Variants in RAPGEF5 observed in about 807,000 individuals in gnomAD.
RAPGEF5 encodes Rap guanine nucleotide exchange factor 5, also known as M-Ras-regulated GEF.
RAPGEF5 carries 65 observed loss-of-function variants against 125.2 expected under a neutral mutation model. That is an observed-to-expected ratio of 0.52 (90% CI 0.43 to 0.64). The LOEUF (loss-of-function observed/expected upper bound fraction) is 0.64, where lower values mean the gene tolerates loss of function less well. Ranked by LOEUF, RAPGEF5 falls within the 30% of genes least tolerant of loss-of-function variation. The probability of loss-of-function intolerance (pLI) is 0.00; values close to 1 mark genes in which losing one functional copy is unlikely to be tolerated. For synonymous variants in RAPGEF5, 391 were observed against 385.9 expected (o/e 1.01, Z -0.16); for missense variants, 958 against 1,048.1 (o/e 0.91, Z 1.19).
intron 5 of RAPGEF5, among the ~76,000 whole-genome samples, chr7:22,294,842 C>T (rs976671671): frequency 1.3e-5 from 2 of 152,224 alleles, no homozygotes; most frequent in Non-Finnish European, 2.9e-5. Context: ...TGTCCCTCTA[C>T]TCAAAATCCT....
intron 9 of RAPGEF5, chr7:22,202,882 G>A: frequency 2.9e-6 from 1 of 340,290 alleles, no homozygotes; most frequent in Middle Eastern, 3.8e-4. Context: ...TATAGACCCA[G>A]TTGAATACTG....
chr7:22,347,029 T>C (rs888913311), intron 1 of RAPGEF5, among the ~76,000 whole-genome samples: 2 of 152,128 alleles, frequency 1.3e-5, no homozygotes, highest in South Asian at 2.1e-4. Context: ...GAAATTTATA[T>C]GGAAAGTTTA....
chr7:22,330,209 T>C (rs578079132), intron 1 of RAPGEF5, among the ~76,000 whole-genome samples: 4 of 152,330 alleles, frequency 2.6e-5, no homozygotes, highest in East Asian at 1.9e-4. Flanking sequence ...ACTGCAGTTA[T>C]GGATGGGGGA....
chr7:22,160,391 TAA>T, intron 14 of RAPGEF5, 125 bp downstream of exon 14: 4 of 824,034 alleles, frequency 4.9e-6, no homozygotes, highest in East Asian at 2.9e-5. Flanking sequence ...CTAGAAAAGC[TAA>T]GGCATCAAGA....
chr7:22,156,930 T>G (rs766616616), intron 15 of RAPGEF5, 42 bp from the exon 16 acceptor site: 1 of 1,610,922 alleles, frequency 6.2e-7, no homozygotes, highest in Non-Finnish European at 8.5e-7. Flanking sequence ...AATACATTCC[T>G]GCCCTTTGGA....
chr7:22,351,092 G>A (rs527330336), intron 1 of RAPGEF5, among the ~76,000 whole-genome samples: 2 of 152,300 alleles, frequency 1.3e-5, no homozygotes, highest in South Asian at 2.1e-4. Context: ...AAGTGAGCAT[G>A]GCTGATTTTG....
rs532965667 is a variant in RAPGEF5 at position 22,222,120 on chromosome 7, C to T, written c.871-2129G>A. 2.0e-5 allele frequency among the ~76,000 whole-genome samples: 3 copies of T among 152,110 alleles called. No individual in the cohort carries two copies. In the South Asian group the frequency reaches 6.2e-4, roughly 32 times the overall value. Reference sequence around the variant, plus strand: ...AAAATTAGCCGGGCGTGGTGGTGTGCACTGTAATCCTAGCTACTCAGAGGG... The same window carrying T: ...AAAATTAGCCGGGCGTGGTGGTGTGTACTGTAATCCTAGCTACTCAGAGGG... On this transcript the variant is annotated intron_variant, in intron 8 of 25. Transcript: ENST00000665637.
chr7:22,201,597 G>A (rs556222169), intron 9 of RAPGEF5, among the ~76,000 whole-genome samples: 26 of 152,268 alleles, frequency 1.7e-4, no homozygotes, highest in African/African-American at 4.8e-4. Flanking sequence ...CTACTTGACC[G>A]AATCCAATTT....
intron 7 of RAPGEF5, among the ~76,000 whole-genome samples, chr7:22,260,397 ACT>A (rs1375494374): frequency 6.6e-6 from 1 of 151,964 alleles, no homozygotes. Context: ...GTATAAAGCA[ACT>A]CTCTGCACTT....
intron 3 of RAPGEF5, among the ~76,000 whole-genome samples, chr7:22,312,787 C>T (rs1178457566): frequency 6.6e-6 from 1 of 152,218 alleles, no homozygotes; most frequent in Non-Finnish European, 1.5e-5. Context: ...CCACCTACCC[C>T]AGGGCAAACA....
intron 9 of RAPGEF5, among the ~76,000 whole-genome samples, chr7:22,218,945 A>G (rs2128132329): frequency 6.6e-6 from 1 of 152,352 alleles, no homozygotes; most frequent in South Asian, 2.1e-4. Context: ...AGACTTGAGC[A>G]TCTTACCTCC....
intron 11 of RAPGEF5, among the ~76,000 whole-genome samples, chr7:22,169,415 T>C (rs556792915): frequency 6.6e-6 from 1 of 152,348 alleles, no homozygotes; most frequent in South Asian, 2.1e-4. Flanking sequence ...ACTTGCATAT[T>C]AGCTGGAAAC....
chr7:22,275,497 G>A (rs1280833617), intron 6 of RAPGEF5, among the ~76,000 whole-genome samples: 1 of 152,136 alleles, frequency 6.6e-6, no homozygotes, highest in Non-Finnish European at 1.5e-5. Flanking sequence ...AGTTGCAAAA[G>A]GACATGTTTT....
At chr7:22,356,785 C>T in intron 1 of RAPGEF5, 45 bp downstream of exon 1, 1 of 1,076,576 alleles carries the variant, frequency 9.3e-7, no homozygotes, top group Non-Finnish European at 1.1e-6. Flanking sequence ...GCGGGCTCCA[C>T]GTGCGCGCCG....
At position 22,167,107 on chromosome 7, in the gene RAPGEF5, T is replaced by C; in HGVS notation, c.1246A>G (p.Met416Val). The C allele has an allele frequency of 6.2e-7, 1 of 1,613,030 alleles. No homozygotes were observed. The highest frequency in any genetic ancestry group is 8.5e-7 in the Non-Finnish European group (1 of 1,179,552). The change falls in exon 12 of 26, where the codon ATG (methionine) becomes GTG (valine). Residue 416 changes from methionine to valine, a missense_variant. Physicochemically the swap from Met to Val is conservative, Grantham distance 21. Coordinates refer to ENST00000665637, the MANE Select transcript of RAPGEF5 (RefSeq NM_012294.5). ...DDFLLTYTVF[M>V]TTDDLCQALL... The stretch of plus-strand genomic sequence containing the variant: ...GCCTGGCACAAGTCATCAGTTGTCA[T>C]GAAGACAGTGTACGTGAGAAGGAAG...
chr7:22,353,992 G>T (rs1376471756), intron 1 of RAPGEF5, among the ~76,000 whole-genome samples: 1 of 152,104 alleles, frequency 6.6e-6, no homozygotes, highest in African/African-American at 2.4e-5. Flanking sequence ...GACCGCTTGA[G>T]CCAGAAGGTC....
chr7:22,137,945 G>A (rs4719684), intron 21 of RAPGEF5, among the ~76,000 whole-genome samples: 78,624 of 151,422 alleles, frequency 0.52, 20,529 homozygotes, highest in African/African-American at 0.59. Context: ...TTTCGATGTG[G>A]TAATTTTGAA....
At chr7:22,257,744 C>G (rs1313065568) in intron 7 of RAPGEF5, among the ~76,000 whole-genome samples, 1 of 152,090 alleles carries the variant, frequency 6.6e-6, no homozygotes, top group East Asian at 1.9e-4. Flanking sequence ...GTTATTTTTA[C>G]CCCTAGATTG....
intron 2 of RAPGEF5, among the ~76,000 whole-genome samples, chr7:22,316,482 TA>T (rs57462384): frequency 0.068 from 3,190 of 46,946 alleles, 73 homozygotes; most frequent in Non-Finnish European, 0.09. Flanking sequence ...TATATATATA[TA>T]TATATATTTT....
Sources: gnomAD v4.1 joint callset for allele counts (sites outside exome capture counted in the v4.1 genomes callset) on GRCh38, gnomAD v4.1.1 for gene constraint, MANE v1.5 for transcripts, NCBI Gene and HGNC (gene_info 2026-07-23, HGNC 2026-07-21) for gene names.